Variants in WEE2 observed in about 807,000 individuals in gnomAD.
WEE2 encodes the protein wee1-like protein kinase 2.
WEE2 carries 50 observed loss-of-function variants against 60.1 expected under a neutral mutation model. The ratio of observed to expected loss-of-function variants is 0.83; its 90% CI spans 0.66 to 1.05. The LOEUF (loss-of-function observed/expected upper bound fraction) is 1.05. Among genes scored for constraint, WEE2 ranks in the 50% least tolerant of loss-of-function variants. WEE2 has a pLI of 0.00. For missense variants in WEE2, 631 were observed against 684.3 expected, an observed-to-expected ratio of 0.92 and a Z score of 0.87; for synonymous variants, 240 against 241.0, an observed-to-expected ratio of 1.00 and a Z score of 0.04.
intron 10 of WEE2, 126 bp downstream of exon 10, chr7:141,727,572 C>A: frequency 8.1e-7 from 1 of 1,241,848 alleles, no homozygotes; most frequent in Non-Finnish European, 1.1e-6. Context: ...TACATAGGTC[C>A]CTGCCCACAA....
intron 2 of WEE2, among the ~76,000 whole-genome samples, chr7:141,715,245 C>G (rs928865388): frequency 6.6e-6 from 1 of 152,120 alleles, no homozygotes; most frequent in Non-Finnish European, 1.5e-5. Context: ...CTTTGGCTAC[C>G]AAGAATTCGA....
chr7:141,727,152 G>A lies in WEE2; in HGVS notation c.1393-152G>A, dbSNP rs1799031918. 4 of 732,828 alleles carry A rather than the reference G, an allele frequency of 5.5e-6. No homozygotes were observed. In the Admixed American group the frequency reaches 1.0e-4, roughly 18 times the overall value. The allele number at this position is 732,828 out of a possible 1,614,324, so 45.4% of individuals were successfully genotyped here. On this transcript the variant is annotated intron_variant, in intron 9 of 11. Transcript: ENST00000397541. ...CATGGACAATCCTCCTGCCCCAGGTGGAGCTCAGTTTTCATTTCTTTCCTC... is the reference window on the plus strand; with the variant it reads ...CATGGACAATCCTCCTGCCCCAGGTAGAGCTCAGTTTTCATTTCTTTCCTC...
chr7:141,714,184 C>T (rs1200121278), intron 1 of WEE2, 25 bp from the exon 2 acceptor site: 1 of 1,575,736 alleles, frequency 6.3e-7, no homozygotes, highest in Admixed American at 1.9e-5. Context: ...GCTATTATGA[C>T]TTGCCTTTTG....
intron 3 of WEE2, among the ~76,000 whole-genome samples, chr7:141,716,476 C>A (rs779276824): frequency 4.7e-5 from 7 of 150,078 alleles, no homozygotes; most frequent in Non-Finnish European, 1.0e-4. Flanking sequence ...TCCTTCTGCC[C>A]TCTCTTCCCC....
chr7:141,725,391 C>CCGAGGAGGGT (rs1433124585), intron 9 of WEE2, among the ~76,000 whole-genome samples, 195 bp downstream of exon 9: 1 of 152,046 alleles, frequency 6.6e-6, no homozygotes, highest in South Asian at 2.1e-4. Flanking sequence ...CTTTGGGAGG[C>CCGAGGAGGGT]CGAGGAGGGT....
chr7:141,721,645 A>G (rs1336445891), intron 5 of WEE2, among the ~76,000 whole-genome samples: 1 of 151,782 alleles, frequency 6.6e-6, no homozygotes, highest in Non-Finnish European at 1.5e-5. Flanking sequence ...TTTTTTTTTA[A>G]TAGAGGCGGG....
chr7:141,720,886 C>A (rs1236748831), intron 4 of WEE2, 49 bp from the exon 5 acceptor site: 2 of 1,592,228 alleles, frequency 1.3e-6, no homozygotes, highest in Admixed American at 1.7e-5. Flanking sequence ...TTTTTGTGTG[C>A]ATTATCTTGA....
rs149484954 is a variant in WEE2 at position 141,724,312 on chromosome 7, G to A, written c.1221+37G>A. The A allele has an allele frequency of 2.6e-6, 4 of 1,557,296 alleles. No individual in the cohort carries two copies. The East Asian group carries it at 6.7e-5, about 26-fold the overall frequency. ...GGAAATGGAGGGTATTTTATAATCT[G>A]TTGAACCTTTGACTCTCAAATGGAG... is the stretch of plus-strand genomic sequence containing the variant. On this transcript the variant is annotated intron_variant, in intron 8 of 11. Coordinates refer to ENST00000397541, the MANE Select transcript of WEE2 (RefSeq NM_001105558.1).
chr7:141,711,943 G>A lies in WEE2; in HGVS notation c.343-2266G>A, dbSNP rs1286334100. 2 of 152,170 alleles carry A rather than the reference G, an allele frequency of 1.3e-5. No homozygotes were observed. The highest frequency in any genetic ancestry group is 6.5e-5 in the Admixed American group (1 of 15,274). The allele number at this position is 152,170 out of a possible 1,614,324, so 9.4% of individuals were successfully genotyped here. A position where few individuals can be genotyped will look rare whatever the true frequency, so the allele number is the denominator to read the frequency against. On this transcript the variant is annotated intron_variant, in intron 1 of 11. Coordinates refer to ENST00000397541, the MANE Select transcript of WEE2 (RefSeq NM_001105558.1). The surrounding 1 kb of genome is among the most constrained non-coding windows in gnomAD (Gnocchi z 4.2). ...GGCTCATTTTAAACAACCAGATCTG[G>A]TGTGAACTAACAAAGTGAGAACTGG...
At position 141,724,269 on chromosome 7, in the gene WEE2, G is replaced by T; in HGVS notation, c.1215G>T (p.Leu405Phe). 6.2e-7 allele frequency: 1 copy of T among 1,613,160 alleles called. No individual in the cohort carries two copies. The highest frequency in any genetic ancestry group is 8.5e-7 in the Non-Finnish European group (1 of 1,179,690). The change falls in exon 8 of 12, where the codon TTG becomes TTT. Residue 405 changes from leucine (L) to phenylalanine (F), a missense_variant. Leu to Phe is a conservative substitution (Grantham distance 22). Coordinates refer to ENST00000397541, the MANE Select transcript of WEE2 (RefSeq NM_001105558.1). Reference sequence around the variant, plus strand: ...GTCGCTTCCTGGCTAATGAGATTTTGCAAGAGGTATAGATTAGGGAAATGG... The same window carrying T: ...GTCGCTTCCTGGCTAATGAGATTTTTCAAGAGGTATAGATTAGGGAAATGG... ...GDSRFLANEI[L>F]QEDYRHLPKA...
At chr7:141,727,549 T>A (rs1396959612) in intron 10 of WEE2, 103 bp downstream of exon 10, 11 of 1,434,040 alleles carry the variant, frequency 7.7e-6, no homozygotes, top group Non-Finnish European at 1.0e-5. Context: ...TATAAATATA[T>A]TCACCATTAT....
Position 141,711,477 on chromosome 7 carries a change from A to C in WEE2, c.342+2377A>C, listed in dbSNP as rs1798710432. On this transcript the variant is annotated intron_variant, in intron 1 of 11. Transcript: ENST00000397541. The surrounding 1 kb of genome is among the most constrained non-coding windows in gnomAD (Gnocchi z 4.2). ...ATTGTTATGCAGAAGACAAAGCTGCATGGGAAAGGAGGATTGGCTTAGTCA... is the reference window on the plus strand; with the variant it reads ...ATTGTTATGCAGAAGACAAAGCTGCCTGGGAAAGGAGGATTGGCTTAGTCA... Among the ~76,000 whole-genome samples the C allele has an allele frequency of 6.6e-6, 1 of 152,198 alleles. No homozygotes were observed. The highest frequency in any genetic ancestry group is 1.5e-5 in the Non-Finnish European group (1 of 68,024).
intron 4 of WEE2, among the ~76,000 whole-genome samples, chr7:141,719,522 C>T (rs752883512): frequency 1.3e-5 from 2 of 152,198 alleles, no homozygotes; most frequent in African/African-American, 2.4e-5. Flanking sequence ...GTGATCTTGG[C>T]TCACTGCAAT....
Position 141,727,325 on chromosome 7 carries a change from G to C in WEE2, c.1414G>C (p.Glu472Gln), listed in dbSNP as rs375250945. The C allele has an allele frequency of 1.2e-4, 195 of 1,613,912 alleles. No individual in the cohort carries two copies. The highest frequency in any genetic ancestry group is 1.6e-4 in the Non-Finnish European group (185 of 1,179,980). ...TCAGAACATGATCCAACCTGATGCC[G>C]AACAGAGACCTTCTGCAGCAGCTCT... is the stretch of plus-strand genomic sequence containing the variant. The part of the protein sequence containing the change: ...LLKNMIQPDA[E>Q]QRPSAAALAR... Residue 472 changes from glutamate (E) to glutamine (Q), a missense_variant, in exon 10 of 12, where the codon GAA becomes CAA. Transcript: ENST00000397541.
In WEE2 at chr7:141,708,516, G is replaced by T. The variant is rs1236910515; in HGVS notation, c.-243G>T. ...TACATGAACTGCATTTAATTGCTCC[G>T]AGAGTCACTGGAGCTTTCTTTAATC... is the stretch of plus-strand genomic sequence containing the variant. On this transcript the variant is annotated 5_prime_UTR_variant, in exon 1 of 12. Transcript: ENST00000397541. 1 of 549,208 alleles carries T rather than the reference G, an allele frequency of 1.8e-6. No individual in the cohort carries two copies. Among genetic ancestry groups the T allele is most frequent in the Non-Finnish European group, 3.2e-6 (1 of 308,886 alleles). 34.0% of individuals were successfully genotyped at this position (549,208 alleles called of 1,614,324 possible).
intron 5 of WEE2, among the ~76,000 whole-genome samples, chr7:141,722,207 G>A (rs1180644611): frequency 2.6e-5 from 4 of 152,068 alleles, no homozygotes; most frequent in African/African-American, 7.2e-5. Context: ...AGTTCGAGAC[G>A]AGCCTGGCCA....
Position 141,711,189 on chromosome 7 carries a change from G to A in WEE2, c.342+2089G>A, listed in dbSNP as rs1489407287. 6.6e-6 allele frequency among the ~76,000 whole-genome samples: 1 copy of A among 152,174 alleles called. No homozygotes were observed. The highest frequency in any genetic ancestry group is 2.4e-5 in the African/African-American group (1 of 41,440). On this transcript the variant is annotated intron_variant, in intron 1 of 11. Transcript: ENST00000397541. This position sits in a 1 kb window ranked among gnomAD's most constrained non-coding sequence, Gnocchi z 4.2. ...AAAAAGTTGGATAACTGGGTATGGG[G>A]CACAAGAAAACAATGAAAATTGGAA...
Position 141,708,648 on chromosome 7 carries a change from A to T in WEE2, c.-111A>T. 1 of 865,954 alleles carries T rather than the reference A, an allele frequency of 1.2e-6. No individual in the cohort carries two copies. Among genetic ancestry groups the T allele is most frequent in the Non-Finnish European group, 1.8e-6 (1 of 549,810 alleles). The allele number at this position is 865,954 out of a possible 1,614,324, so 53.6% of individuals were successfully genotyped here. A position where few individuals can be genotyped will look rare whatever the true frequency, so the allele number is the denominator to read the frequency against. On this transcript the variant is annotated 5_prime_UTR_variant, in exon 1 of 12. Coordinates refer to ENST00000397541, the MANE Select transcript of WEE2 (RefSeq NM_001105558.1). ...TAGTTGGTAGAGGGAAATTCAGGCT[A>T]CCGTCGCGAAACCTGCAGGTTAAGT...
At chr7:141,728,592 G>T (rs1200949165) in intron 10 of WEE2, among the ~76,000 whole-genome samples, 3 of 152,222 alleles carry the variant, frequency 2.0e-5, no homozygotes, top group Admixed American at 6.5e-5. Context: ...TGGAGACACA[G>T]GTGACTATCA....
Sources: gnomAD v4.1 joint callset for allele counts (sites outside exome capture counted in the v4.1 genomes callset) on GRCh38, gnomAD v4.1.1 for gene constraint, Gnocchi (gnomAD v3.1) non-coding constraint, MANE v1.5 for transcripts, NCBI Gene and HGNC (gene_info 2026-07-23, HGNC 2026-07-21) for gene names.